MYO5C: variants seen among roughly 807,000 people sequenced by gnomAD.
The protein encoded by MYO5C is myosin VC.
MYO5C carries 194 observed loss-of-function variants against 235.7 expected under a neutral mutation model. That is an observed-to-expected ratio of 0.82 (90% CI 0.73 to 0.93). The LOEUF is 0.93. Ranked by LOEUF, MYO5C falls within the 40% of genes least tolerant of loss-of-function variation. MYO5C has a pLI of 0.00. For missense variants in MYO5C, 2,038 were observed against 2,127.2 expected (o/e 0.96, Z 0.82); for synonymous variants, 707 against 754.8 (o/e 0.94, Z 1.04).
chr15:52,279,426 T>C (rs1344975680), intron 3 of MYO5C, 83 bp downstream of exon 3: 7 of 1,459,300 alleles, frequency 4.8e-6, no homozygotes, highest in African/African-American at 1.4e-5. Flanking sequence ...GTGCTCAGTA[T>C]AAACATAAAA....
chr15:52,254,676 T>G (rs1596196908), intron 11 of MYO5C, among the ~76,000 whole-genome samples: 9 of 146,360 alleles, frequency 6.1e-5, no homozygotes, highest in South Asian at 2.2e-4. Context: ...GAGGAGGAAG[T>G]GGAAGAGGAA....
chr15:52,220,876 C>T (rs1162237418), intron 30 of MYO5C, among the ~76,000 whole-genome samples: 10 of 151,868 alleles, frequency 6.6e-5, no homozygotes, highest in Admixed American at 6.6e-4. Flanking sequence ...ATCATATTGC[C>T]CAGACTGGTC....
intron 25 of MYO5C, among the ~76,000 whole-genome samples, chr15:52,227,194 T>C: frequency 9.5e-6 from 1 of 105,362 alleles, no homozygotes; most frequent in Non-Finnish European, 1.8e-5. Flanking sequence ...AGAGTAATTT[T>C]TTTTTTTTTT....
At chr15:52,287,186 C>T (rs908826485) in intron 1 of MYO5C, among the ~76,000 whole-genome samples, 7 of 151,514 alleles carry the variant, frequency 4.6e-5, no homozygotes, top group African/African-American at 1.7e-4. Flanking sequence ...AGAAGCTTGC[C>T]GAAACGTGAC....
At chr15:52,246,370 G>C (rs2141326967) in intron 16 of MYO5C, among the ~76,000 whole-genome samples, 1 of 152,270 alleles carries the variant, frequency 6.6e-6, no homozygotes, top group South Asian at 2.1e-4. Context: ...ACTGATGCTT[G>C]AATTTCCTCT....
At position 52,256,694 on chromosome 15, in the gene MYO5C, A is replaced by C. The variant is rs2036593723; in HGVS notation, c.1340T>G (p.Phe447Cys). The change falls in exon 11 of 41, where the codon TTT becomes TGT. Residue 447 changes from phenylalanine to cysteine, a missense_variant. Transcript: ENST00000261839. ...YGFETFDVNSFEQFCINYANE... is the reference protein window; with the variant it reads ...YGFETFDVNSCEQFCINYANE... ...AGCGTAATTGATGCAAAATTGTTCA[A>C]AGCTGTTCACATCAAAGGTTTCAAA... The C allele has an allele frequency of 6.2e-7, 1 of 1,613,796 alleles. No individual in the cohort carries two copies. Among genetic ancestry groups the C allele is most frequent in the Non-Finnish European group, 8.5e-7 (1 of 1,179,874 alleles).
intron 1 of MYO5C, among the ~76,000 whole-genome samples, chr15:52,290,082 C>T (rs762827902): frequency 5.3e-5 from 8 of 152,044 alleles, no homozygotes; most frequent in Non-Finnish European, 1.2e-4. Flanking sequence ...TTCCCTTGAG[C>T]GCTCTCTGCT....
chr15:52,236,788 T>G (rs1320695893), intron 22 of MYO5C: 2 of 152,256 alleles, frequency 1.3e-5, no homozygotes, highest in Non-Finnish European at 2.9e-5. Context: ...TTGGCTACAT[T>G]ATTTCATCTG....
At chr15:52,255,637 C>A (rs1179966929) in intron 11 of MYO5C, among the ~76,000 whole-genome samples, 1 of 152,118 alleles carries the variant, frequency 6.6e-6, no homozygotes, top group African/African-American at 2.4e-5. Flanking sequence ...AGCAGAAAGG[C>A]GTCAGTACTG....
intron 32 of MYO5C, among the ~76,000 whole-genome samples, chr15:52,217,586 T>C (rs938570283): frequency 6.6e-6 from 1 of 152,218 alleles, no homozygotes; most frequent in African/African-American, 2.4e-5. Flanking sequence ...TCTGAGAAAG[T>C]TGTATCCACC....
chr15:52,205,036 G>T lies in MYO5C; in HGVS notation c.4649C>A (p.Ser1550Tyr). The T allele has an allele frequency of 6.2e-7, 1 of 1,614,236 alleles. No homozygotes were observed. The highest frequency in any genetic ancestry group is 1.1e-5 in the South Asian group (1 of 91,084). ...IDDTDGYTMT[S>Y]VLQQLSYFYT... ...AAAGTAGCTCAGCTGTTGCAGGACG[G>T]AGGTCATGGTGTAGCCGTCCGTGTC... Residue 1550 changes from serine (S) to tyrosine (Y), a missense_variant, in exon 38 of 41, where the codon TCC becomes TAC. Coordinates refer to ENST00000261839, the MANE Select transcript of MYO5C (RefSeq NM_018728.4).
intron 8 of MYO5C, among the ~76,000 whole-genome samples, chr15:52,266,763 C>T (rs980904640): frequency 6.6e-6 from 1 of 152,210 alleles, no homozygotes; most frequent in African/African-American, 2.4e-5. Context: ...CATCTAGCTT[C>T]GCCCTAGCAT....
In MYO5C at chr15:52,261,049, G is replaced by A. The variant is rs1174998371; in HGVS notation, c.1126C>T (p.Arg376Cys). ...SGRVAQWLCN[R>C]KIVTSSETVV... ...GTCTCAGAGCTTGTGACGATTTTGC[G>A]ATTGCACAGCCACTGAGCAACTCTG... Residue 376 changes from arginine (R) to cysteine (C), a missense_variant, in exon 10 of 41, where the codon CGC (arginine) becomes TGC (cysteine). By Grantham distance (180) the Arg-to-Cys change is radical (BLOSUM62 -3). Transcript: ENST00000261839. The A allele has an allele frequency of 6.2e-6, 10 of 1,614,086 alleles. No individual in the cohort carries two copies. Among genetic ancestry groups the A allele is most frequent in the East Asian group, 4.5e-5 (2 of 44,896 alleles).
intron 38 of MYO5C, among the ~76,000 whole-genome samples, chr15:52,197,988 A>G (rs1171713540): frequency 6.6e-6 from 1 of 152,174 alleles, no homozygotes; most frequent in African/African-American, 2.4e-5. Context: ...TTACATACCA[A>G]TGAAACTGCT....
At chr15:52,236,906 C>CTGA (rs2036099229) in intron 22 of MYO5C, 1 of 152,252 alleles carries the variant, frequency 6.6e-6, no homozygotes, top group African/African-American at 2.4e-5. Context: ...CGTATTTCAT[C>CTGA]TGATGATTTT....
At chr15:52,203,959 A>AT (rs2035244340) in intron 38 of MYO5C, among the ~76,000 whole-genome samples, 1 of 152,162 alleles carries the variant, frequency 6.6e-6, no homozygotes, top group African/African-American at 2.4e-5. Context: ...CCCTTACGTC[A>AT]TTACCATCAT....
chr15:52,195,432 G>A lies in MYO5C; in HGVS notation c.5021C>T (p.Thr1674Ile), dbSNP rs1194053923. The change falls in exon 40 of 41, where the codon ACA becomes ATA. Residue 1674 changes from threonine to isoleucine, a missense_variant. By Grantham distance (89) the Thr-to-Ile change is moderately conservative (BLOSUM62 -1). Coordinates refer to ENST00000261839, the MANE Select transcript of MYO5C (RefSeq NM_018728.4). The stretch of plus-strand genomic sequence containing the variant: ...TCTCTTCTCAAAGTCATCTATAGGT[G>A]TGTATGAATTAAGGATCTTTATGAT... ...VQIIKILNSYTPIDDFEKRVT... is the reference protein window; with the variant it reads ...VQIIKILNSYIPIDDFEKRVT... 2 of 1,612,710 alleles carry A rather than the reference G, an allele frequency of 1.2e-6. No individual in the cohort carries two copies. Among genetic ancestry groups the A allele is most frequent in the African/African-American group, 1.3e-5 (1 of 74,836 alleles).
intron 38 of MYO5C, among the ~76,000 whole-genome samples, chr15:52,204,314 G>C (rs2035251543): frequency 6.6e-6 from 1 of 151,646 alleles, no homozygotes; most frequent in African/African-American, 2.4e-5. Context: ...CAATGCCTCT[G>C]ACCGTTTCTC....
chr15:52,197,837 T>C (rs2035088621), intron 38 of MYO5C, among the ~76,000 whole-genome samples: 1 of 151,926 alleles, frequency 6.6e-6, no homozygotes. Flanking sequence ...GGTTTCACCA[T>C]GTTGGCCAGG....
Sources: allele counts gnomAD v4.1 joint callset (sites outside exome capture counted in the v4.1 genomes callset), GRCh38; gene constraint gnomAD v4.1.1; transcripts MANE v1.5; gene names NCBI Gene and HGNC (gene_info 2026-07-23, HGNC 2026-07-21).